The following CDH12 variants were observed in gnomAD, a reference collection of about 807,000 sequenced individuals.
CDH12 encodes the protein cadherin 12, also known as cadherin-12.
CDH12 carries 41 observed loss-of-function variants against 74.1 expected under a neutral mutation model. That is an observed-to-expected ratio of 0.55 (90% CI 0.43 to 0.72). The LOEUF is 0.72. CDH12 is among the 30% of genes least tolerant of loss of function. CDH12 has a pLI of 0.00. For missense variants in CDH12, 945 were observed against 977.2 expected (o/e 0.97, Z 0.44); for synonymous variants, 399 against 355.0 (o/e 1.12, Z -1.39).
Position 22,335,241 on chromosome 5 carries a change from A to G in CDH12, c.-333+70016T>C, listed in dbSNP as rs557170163. 2.6e-5 allele frequency among the ~76,000 whole-genome samples: 4 copies of G among 152,290 alleles called. No homozygotes were observed. The South Asian group carries it at 8.3e-4, about 32-fold the overall frequency. Reference sequence around the variant, plus strand: ...TCATCTTGTAGCTCCCATAATTCCCACATGTTGTGGGAGGGACCCCGTGGG... The same window carrying G: ...TCATCTTGTAGCTCCCATAATTCCCGCATGTTGTGGGAGGGACCCCGTGGG... On this transcript the variant is annotated intron_variant, in intron 3 of 14. Transcript: ENST00000382254.
At chr5:21,864,468 C>T (rs1435328413) in intron 6 of CDH12, among the ~76,000 whole-genome samples, 1 of 152,092 alleles carries the variant, frequency 6.6e-6, no homozygotes, top group Non-Finnish European at 1.5e-5. Context: ...TTCTACCTTC[C>T]CTCATGGAAT....
intron 6 of CDH12, among the ~76,000 whole-genome samples, chr5:21,972,295 G>C (rs1756885353): frequency 6.6e-6 from 1 of 151,780 alleles, no homozygotes. Flanking sequence ...TCAATTATTG[G>C]GACAGAAAAG....
intron 3 of CDH12, among the ~76,000 whole-genome samples, chr5:22,352,123 CTTG>C (rs573537898): frequency 3.3e-5 from 5 of 150,210 alleles, no homozygotes; most frequent in Non-Finnish European, 5.9e-5. Flanking sequence ...TTTGCTTAGA[CTTG>C]TTTTTTTTTT....
chr5:22,122,887 G>A (rs889512720), intron 4 of CDH12, among the ~76,000 whole-genome samples: 3 of 152,286 alleles, frequency 2.0e-5, no homozygotes, highest in East Asian at 3.9e-4. Context: ...GAGTTTACCA[G>A]CCTTTGGACT....
chr5:22,142,492 G>C (rs908541947), intron 4 of CDH12: 26 of 629,922 alleles, frequency 4.1e-5, no homozygotes, highest in Middle Eastern at 5.4e-4. Flanking sequence ...CTGAGAATGG[G>C]GTTCAGGATA....
chr5:22,598,365 C>G (rs1179646180), intron 1 of CDH12, among the ~76,000 whole-genome samples: 1 of 152,130 alleles, frequency 6.6e-6, no homozygotes, highest in Non-Finnish European at 1.5e-5. Flanking sequence ...GTGCTGTTCT[C>G]CTGATAATAA....
intron 1 of CDH12, among the ~76,000 whole-genome samples, chr5:22,744,749 G>T (rs1745208062): frequency 1.3e-5 from 2 of 151,646 alleles, no homozygotes; most frequent in South Asian, 4.2e-4. Flanking sequence ...CAAATAATCT[G>T]GTAATCAATT....
intron 1 of CDH12, among the ~76,000 whole-genome samples, chr5:22,801,651 ATATAT>A (rs1748524437): frequency 9.3e-6 from 1 of 107,448 alleles, no homozygotes; most frequent in African/African-American, 4.3e-5. Flanking sequence ...ATATATATAT[ATATAT>A]ATATATATAT....
intron 1 of CDH12, among the ~76,000 whole-genome samples, chr5:22,521,503 C>T (rs565763117): frequency 6.6e-6 from 1 of 152,078 alleles, no homozygotes; most frequent in African/African-American, 2.4e-5. Flanking sequence ...AGTAAAAAAC[C>T]TAATCTACAT....
rs1167736253 is a variant in CDH12, at chr5:21,846,617, A to C, written c.647-4289T>G. 2.0e-5 allele frequency among the ~76,000 whole-genome samples: 3 copies of C among 151,946 alleles called. No homozygotes were observed. In the East Asian group the frequency reaches 5.8e-4, roughly 29 times the overall value. On this transcript the variant is annotated intron_variant, in intron 7 of 14. Transcript: ENST00000382254. ...GAATCTTAATCAAAAAATAGATTTTATTCTCATTTTTTTCTTGTACTTTCT... is the reference window on the plus strand; with the variant it reads ...GAATCTTAATCAAAAAATAGATTTTCTTCTCATTTTTTTCTTGTACTTTCT...
At chr5:21,893,145 G>A (rs756950112) in intron 6 of CDH12, among the ~76,000 whole-genome samples, 10 of 152,010 alleles carry the variant, frequency 6.6e-5, no homozygotes, top group African/African-American at 1.2e-4. Context: ...CATTTGTACC[G>A]CACTGTAAAC....
intron 1 of CDH12, among the ~76,000 whole-genome samples, chr5:22,683,473 C>A (rs1741603524): frequency 6.6e-6 from 1 of 152,120 alleles, no homozygotes; most frequent in Non-Finnish European, 1.5e-5. Context: ...GATAATGCTG[C>A]AGTTTCTTCA....
At chr5:21,832,893 T>C (rs188656865) in intron 8 of CDH12, among the ~76,000 whole-genome samples, 1 of 83,946 alleles carries the variant, frequency 1.2e-5, no homozygotes, top group Non-Finnish European at 1.9e-5. Flanking sequence ...TATTAATATA[T>C]ATCATATAAT....
chr5:22,603,568 G>T (rs1297497740), intron 1 of CDH12, among the ~76,000 whole-genome samples: 1 of 152,126 alleles, frequency 6.6e-6, no homozygotes, highest in Admixed American at 6.5e-5. Flanking sequence ...TGAAAACTGA[G>T]AAACAATAAG....
At chr5:21,874,769 C>G (rs1248640940) in intron 6 of CDH12, among the ~76,000 whole-genome samples, 1 of 152,202 alleles carries the variant, frequency 6.6e-6, no homozygotes, top group African/African-American at 2.4e-5. Flanking sequence ...CGCCGCACTT[C>G]TGATCCAGCC....
chr5:22,397,863 G>A (rs1580606235), intron 3 of CDH12, among the ~76,000 whole-genome samples: 3 of 152,142 alleles, frequency 2.0e-5, no homozygotes, highest in South Asian at 4.2e-4. Flanking sequence ...AGGAATTTAG[G>A]ACATATGCAG....
intron 3 of CDH12, among the ~76,000 whole-genome samples, chr5:22,384,925 G>T (rs1240063904): frequency 6.6e-6 from 1 of 151,952 alleles, no homozygotes; most frequent in Non-Finnish European, 1.5e-5. Context: ...GTTCTCTAGG[G>T]TCCATGTGTT....
intron 5 of CDH12, among the ~76,000 whole-genome samples, chr5:21,987,726 C>T (rs1757575193): frequency 6.6e-6 from 1 of 151,422 alleles, no homozygotes; most frequent in Non-Finnish European, 1.5e-5. Flanking sequence ...ATAAGTCAAA[C>T]ATTTTTGCCA....
At chr5:22,155,255 T>G (rs1580335393) in intron 4 of CDH12, among the ~76,000 whole-genome samples, 1 of 152,216 alleles carries the variant, frequency 6.6e-6, no homozygotes, top group Non-Finnish European at 1.5e-5. Context: ...GAGTAAAATC[T>G]ATTATAGTGA....
Sources: allele counts gnomAD v4.1 joint callset (sites outside exome capture counted in the v4.1 genomes callset), GRCh38; gene constraint gnomAD v4.1.1; transcripts MANE v1.5; gene names NCBI Gene and HGNC (gene_info 2026-07-23, HGNC 2026-07-21).